Variants in COL9A3 observed in about 807,000 individuals in gnomAD.
The protein encoded by COL9A3 is collagen type IX alpha 3 chain, also known as collagen alpha-3(IX) chain.
A neutral mutation model predicts 110.2 loss-of-function variants in COL9A3; 82 were observed. That is an observed-to-expected ratio of 0.74 (90% confidence interval 0.62 to 0.89). The LOEUF is 0.89. COL9A3 is among the 40% of genes least tolerant of loss of function. The pLI, the probability that COL9A3 is intolerant of heterozygous loss-of-function variation, is 0.00. For synonymous variants in COL9A3, 494 were observed against 403.8 expected, an observed-to-expected ratio of 1.22 and a Z score of -2.68; for missense variants, 1,066 against 981.3, an observed-to-expected ratio of 1.09 and a Z score of -1.15.
chr20:62,823,993 CTGT>C (rs1322791475), intron 10 of COL9A3, among the ~76,000 whole-genome samples: 17 of 150,446 alleles, frequency 1.1e-4, no homozygotes, highest in African/African-American at 3.4e-4. Context: ...GGTCCCGTCA[CTGT>C]GTGGAGTGGC....
At position 62,824,327 on chromosome 20, in the gene COL9A3, TC is replaced by T. The variant is rs151202549; in HGVS notation, c.520-115del. 6.5e-3 allele frequency: 7,028 copies of T among 1,088,552 alleles called. 310 individuals carry two copies. In the African/African-American group the frequency reaches 0.095, roughly 15 times the overall value. 67.4% of individuals were successfully genotyped at this position (1,088,552 alleles called of 1,614,324 possible). ...GGTCCTGTCACCATGAGGAGTGGCCTCCCGGGGTCCCGTCACCGTGCAGAGT... is the reference window on the plus strand; with the variant it reads ...GGTCCTGTCACCATGAGGAGTGGCCTCCGGGGTCCCGTCACCGTGCAGAGT... On this transcript the variant is annotated intron_variant, in intron 10 of 31. Transcript: ENST00000649368.
Position 62,840,791 on chromosome 20 carries a change from G to A in COL9A3, c.*59G>A. 1 of 1,541,460 alleles carries A rather than the reference G, an allele frequency of 6.5e-7. No individual in the cohort carries two copies. Among genetic ancestry groups the A allele is most frequent in the Non-Finnish European group, 8.8e-7 (1 of 1,138,288 alleles). On this transcript the variant is annotated 3_prime_UTR_variant, in exon 32 of 32. Coordinates refer to ENST00000649368, the MANE Select transcript of COL9A3 (RefSeq NM_001853.4). ...CCGAAGCACAGTGGACGGTCATGAA[G>A]GAGCGGGGGTGTGGCAGGCGGGTGA...
At chr20:62,833,408 C>T (rs2313587) in intron 26 of COL9A3, among the ~76,000 whole-genome samples, 42,525 of 152,044 alleles carry the variant, frequency 0.28, 7,715 homozygotes, top group African/African-American at 0.52. Flanking sequence ...TTTGGGGTTT[C>T]TTGTTTTTTG....
In COL9A3 at chr20:62,825,965, G is replaced by A. The variant is rs866044300; in HGVS notation, c.684+95G>A. ...ATCTACCCCCGAGGGGGCCAGCTCC[G>A]GCTGGGGGGTGTTTGGCCAACACCC... On this transcript the variant is annotated intron_variant, in intron 13 of 31. Coordinates refer to ENST00000649368, the MANE Select transcript of COL9A3 (RefSeq NM_001853.4). The A allele has an allele frequency of 3.7e-5, 52 of 1,387,132 alleles. No homozygotes were observed. In the Middle Eastern group the frequency reaches 3.0e-3, roughly 81 times the overall value. The allele number at this position is 1,387,132 out of a possible 1,614,324, so 85.9% of individuals were successfully genotyped here.
At chr20:62,817,972 G>A (rs1990990981) in intron 2 of COL9A3, 1 of 406,664 alleles carries the variant, frequency 2.5e-6, no homozygotes, top group Non-Finnish European at 4.8e-6. Flanking sequence ...GTTGGGGGCC[G>A]GGGGTCTTGT....
chr20:62,832,096 G>A, intron 24 of COL9A3, 58 bp from the exon 25 acceptor site: 2 of 1,552,876 alleles, frequency 1.3e-6, no homozygotes, highest in Admixed American at 1.7e-5. Context: ...GCCCAGGGCA[G>A]GCTCACTTTA....
rs374309490 is a variant in COL9A3, at chr20:62,826,825, G to A, written c.792+5G>A. 1.2e-6 allele frequency: 2 copies of A among 1,612,752 alleles called. No individual in the cohort carries two copies. The highest frequency in any genetic ancestry group is 1.7e-4 in the Middle Eastern group (1 of 6,060). On this transcript the variant is annotated splice_donor_5th_base_variant and intron_variant, in intron 15 of 31. Transcript: ENST00000649368. Reference sequence around the variant, plus strand: ...CCAGGAGCGCCTGGGAAAGCGGTACGTGTGTCAGTGGACGGTGGGCGCCAT... The same window carrying A: ...CCAGGAGCGCCTGGGAAAGCGGTACATGTGTCAGTGGACGGTGGGCGCCAT...
intron 16 of COL9A3, 133 bp downstream of exon 16, chr20:62,827,427 G>C (rs985626028): frequency 3.3e-6 from 3 of 902,108 alleles, no homozygotes; most frequent in Non-Finnish European, 5.2e-6. Context: ...CTGGGGGTGC[G>C]TGGGGGTGAG....
chr20:62,833,168 T>G, intron 26 of COL9A3, 104 bp downstream of exon 26: 1 of 960,532 alleles, frequency 1.0e-6, no homozygotes, highest in Non-Finnish European at 1.7e-6. Context: ...CAGCTCCCGG[T>G]GGAAGATCGG....
At chr20:62,822,290 C>A in intron 9 of COL9A3, 126 bp downstream of exon 9, 1 of 751,920 alleles carries the variant, frequency 1.3e-6, no homozygotes, top group Non-Finnish European at 2.4e-6. Flanking sequence ...CTTGGCCACT[C>A]CCAGGAACAG....
chr20:62,839,149 C>T (rs370200608), intron 31 of COL9A3, among the ~76,000 whole-genome samples: 91 of 151,908 alleles, frequency 6.0e-4, no homozygotes, highest in African/African-American at 2.2e-3. Context: ...CGCTTGAACC[C>T]GGGAGGCGGA....
rs779009630 is a variant in COL9A3 at position 62,819,970 on chromosome 20, C to A, written c.297C>A (p.Ala99=). Reference sequence around the variant, plus strand: ...ATGGACCCCCTGGACCCAAGGGTGCCCCTGGGGAACGGGTAAGTGCCTGCG... The same window carrying A: ...ATGGACCCCCTGGACCCAAGGGTGCACCTGGGGAACGGGTAAGTGCCTGCG... ...GRDGPPGPKG[A]PGERGSLGPP... The change falls in exon 5 of 32, where the codon GCC becomes GCA. Residue 99 remains alanine, a synonymous_variant. Coordinates refer to ENST00000649368, the MANE Select transcript of COL9A3 (RefSeq NM_001853.4). The A allele has an allele frequency of 2.5e-6, 4 of 1,612,768 alleles. No individual in the cohort carries two copies. In the African/African-American group the frequency reaches 5.3e-5, roughly 22 times the overall value.
chr20:62,836,036 C>G (rs1371596832), intron 27 of COL9A3, 83 bp downstream of exon 27: 7 of 1,607,878 alleles, frequency 4.4e-6, no homozygotes, highest in Non-Finnish European at 4.3e-6. Flanking sequence ...CCAGGCAGCC[C>G]TGCAGGGCAC....
chr20:62,836,996 G>A lies in COL9A3; in HGVS notation c.1604-87G>A. On this transcript the variant is annotated intron_variant, in intron 29 of 31. Transcript: ENST00000649368. ...AAGGAAAACTTGCTTCTGGAAGACA[G>A]CACCGTGTAGATATTTTATGCTTTA... The A allele has an allele frequency of 5.3e-6, 8 of 1,514,092 alleles. No individual in the cohort carries two copies. The South Asian group carries it at 9.0e-5, about 17-fold the overall frequency. 93.8% of individuals were successfully genotyped at this position (1,514,092 alleles called of 1,614,324 possible).
chr20:62,826,640 TGGG>T (rs1014415058), intron 14 of COL9A3, 124 bp from the exon 15 acceptor site: 15 of 995,976 alleles, frequency 1.5e-5, no homozygotes, highest in Non-Finnish European at 2.3e-5. Flanking sequence ...GGTGGCATCT[TGGG>T]GGAACTTGCT....
Position 62,817,131 on chromosome 20 carries a change from G to A in COL9A3, c.67G>A (p.Ala23Thr), listed in dbSNP as rs1239021340. ...LLLLGELLAAAGAQRVGLPGP... is the reference protein window; with the variant it reads ...LLLLGELLAATGAQRVGLPGP... The stretch of plus-strand genomic sequence containing the variant: ...CCTGCTCGGGGAGCTTCTGGCGGCC[G>A]CCGGGGCGCAGGTGAGCGCGAGCTC... Residue 23 changes from alanine (A) to threonine (T), a missense_variant, in exon 1 of 32, where the codon GCC becomes ACC. Transcript: ENST00000649368. The A allele has an allele frequency of 2.1e-6, 3 of 1,397,214 alleles. No homozygotes were observed. The highest frequency in any genetic ancestry group is 3.3e-5 in the East Asian group (1 of 29,884). The allele number at this position is 1,397,214 out of a possible 1,614,324, so 86.6% of individuals were successfully genotyped here.
chr20:62,827,381 T>C, intron 16 of COL9A3, 87 bp downstream of exon 16: 1 of 1,430,432 alleles, frequency 7.0e-7, no homozygotes, highest in Non-Finnish European at 9.7e-7. Flanking sequence ...GGGGACACAC[T>C]TGGGAGTGAG....
chr20:62,817,732 C>A, intron 2 of COL9A3, 97 bp downstream of exon 2: 3 of 820,504 alleles, frequency 3.7e-6, no homozygotes, highest in South Asian at 1.8e-5. Context: ...GAAAACCAGG[C>A]CCCACCTCCC....
chr20:62,826,936 C>T lies in COL9A3; in HGVS notation c.792+116C>T, dbSNP rs370379593. ...GCCCCTCTTCTGTGGCTGAGCTGTT[C>T]CCTGGACACCCTGGGAGGGCTTGTG... On this transcript the variant is annotated intron_variant, in intron 15 of 31. Coordinates refer to ENST00000649368, the MANE Select transcript of COL9A3 (RefSeq NM_001853.4). 65 of 1,134,338 alleles carry T rather than the reference C, an allele frequency of 5.7e-5. No individual in the cohort carries two copies. The African/African-American group carries it at 8.6e-4, about 15-fold the overall frequency. 70.3% of individuals were successfully genotyped at this position (1,134,338 alleles called of 1,614,324 possible). A position where few individuals can be genotyped will look rare whatever the true frequency, so the allele number is the denominator to read the frequency against.
Sources: gnomAD v4.1 joint callset for allele counts (sites outside exome capture counted in the v4.1 genomes callset) on GRCh38, gnomAD v4.1.1 for gene constraint, MANE v1.5 for transcripts, NCBI Gene and HGNC (gene_info 2026-07-23, HGNC 2026-07-21) for gene names.